Variants in RGL1 observed in about 807,000 individuals in gnomAD.
RGL1 encodes the protein ral guanine nucleotide dissociation stimulator-like 1.
Under a neutral mutation model 95.2 loss-of-function variants are expected in RGL1, and 24 were observed. The ratio of observed to expected loss-of-function variants is 0.25; its 90% CI spans 0.18 to 0.35. The LOEUF (loss-of-function observed/expected upper bound fraction) is 0.35, where lower values mean the gene tolerates loss of function less well. Ranked by LOEUF, RGL1 falls within the 10% of genes least tolerant of loss-of-function variation. The pLI, the probability that RGL1 is intolerant of heterozygous loss-of-function variation, is 1.00. For missense variants in RGL1, 715 were observed against 936.3 expected (o/e 0.76, Z 3.08); for synonymous variants, 329 against 344.9 (o/e 0.95, Z 0.51).
intron 16 of RGL1, 49 bp from the exon 17 acceptor site, chr1:183,922,173 A>G (rs1669341559): frequency 1.3e-6 from 2 of 1,487,226 alleles, no homozygotes; most frequent in South Asian, 2.3e-5. Context: ...GAACTCCCTC[A>G]GGAAACGTGA....
intron 4 of RGL1, among the ~76,000 whole-genome samples, chr1:183,867,999 G>A (rs1038510872): frequency 1.3e-5 from 2 of 152,196 alleles, no homozygotes; most frequent in African/African-American, 4.8e-5. Flanking sequence ...TACCAGTGTA[G>A]GTATTTGAAT....
At position 183,855,074 on chromosome 1, in the gene RGL1, C is replaced by A. The variant is rs563155347; in HGVS notation, c.347+7300C>A. On this transcript the variant is annotated intron_variant, in intron 3 of 17. Transcript: ENST00000360851. ...TGCTCTACCCTCAAAATGGTGCCTG[C>A]AGTAGGTGCTTAGGAACTATTTGTC... Among the ~76,000 whole-genome samples the A allele has an allele frequency of 7.9e-5, 12 of 152,268 alleles. No homozygotes were observed. The South Asian group carries it at 2.5e-3, about 32-fold the overall frequency.
intron 2 of RGL1, among the ~76,000 whole-genome samples, chr1:183,771,842 C>T (rs1659289112): frequency 6.6e-6 from 1 of 152,190 alleles, no homozygotes; most frequent in South Asian, 2.1e-4. Flanking sequence ...AAACCCGAGA[C>T]CCTAGCAAGG....
chr1:183,824,276 T>G (rs1338872141), intron 2 of RGL1, among the ~76,000 whole-genome samples: 1 of 152,214 alleles, frequency 6.6e-6, no homozygotes, highest in African/African-American at 2.4e-5. Flanking sequence ...CTAATTTCTG[T>G]GAAGATTCCG....
chr1:183,838,629 A>C (rs1027733213), intron 2 of RGL1, among the ~76,000 whole-genome samples: 1 of 152,152 alleles, frequency 6.6e-6, no homozygotes, highest in Non-Finnish European at 1.5e-5. Flanking sequence ...CATAGTTCAG[A>C]GGTGTAATTC....
intron 3 of RGL1, among the ~76,000 whole-genome samples, chr1:183,849,491 T>TTTA (rs1664683948): frequency 2.2e-5 from 3 of 137,268 alleles, no homozygotes; most frequent in African/African-American, 5.4e-5. Flanking sequence ...TAGTTTTTTT[T>TTTA]TTTTTTTTTT....
intron 2 of RGL1, among the ~76,000 whole-genome samples, chr1:183,763,000 T>C (rs1414375979): frequency 6.6e-6 from 1 of 152,094 alleles, no homozygotes; most frequent in Non-Finnish European, 1.5e-5. Flanking sequence ...CAAATGCCCA[T>C]CAATGATAGA....
chr1:183,779,207 CCTTCCTTCCTTCCTTCCT>C (rs1368580511), intron 2 of RGL1, among the ~76,000 whole-genome samples: 2 of 148,416 alleles, frequency 1.3e-5, no homozygotes, highest in African/African-American at 5.0e-5. Context: ...TTCCTTCCTT[CCTTCCTTCCTTCCTTCCT>C]TCCCTCCCTC....
chr1:183,854,109 C>T (rs998305796), intron 3 of RGL1, among the ~76,000 whole-genome samples: 5 of 152,116 alleles, frequency 3.3e-5, no homozygotes, highest in African/African-American at 9.7e-5. Flanking sequence ...AATCAGTGTG[C>T]AAATACATTT....
At chr1:183,725,606 G>A (rs1297835111) in intron 1 of RGL1, among the ~76,000 whole-genome samples, 3 of 152,258 alleles carry the variant, frequency 2.0e-5, no homozygotes, top group Admixed American at 2.0e-4. Context: ...CAATGATGGA[G>A]TCAATGAATC....
intron 1 of RGL1, among the ~76,000 whole-genome samples, chr1:183,650,468 A>G (rs183741972): frequency 2.2e-4 from 33 of 152,230 alleles, no homozygotes; most frequent in East Asian, 5.8e-4. Context: ...GCGTGAACCC[A>G]GGAGGCAGAG....
At chr1:183,645,216 A>G (rs925205255) in intron 1 of RGL1, among the ~76,000 whole-genome samples, 1 of 150,646 alleles carries the variant, frequency 6.6e-6, no homozygotes. Flanking sequence ...ATATCCAGTT[A>G]TAAGTCTTAC....
chr1:183,807,655 C>G (rs1661433963), intron 2 of RGL1, among the ~76,000 whole-genome samples: 1 of 152,152 alleles, frequency 6.6e-6, no homozygotes, highest in Non-Finnish European at 1.5e-5. Flanking sequence ...TTGGGCTTCC[C>G]CAGCTGCTTC....
chr1:183,837,296 C>T (rs1663731475), intron 2 of RGL1, among the ~76,000 whole-genome samples: 1 of 152,166 alleles, frequency 6.6e-6, no homozygotes, highest in South Asian at 2.1e-4. Context: ...CACACAGAAG[C>T]TCACTACCCC....
chr1:183,769,974 G>C (rs1195220052), intron 2 of RGL1, among the ~76,000 whole-genome samples: 1 of 152,150 alleles, frequency 6.6e-6, no homozygotes, highest in Non-Finnish European at 1.5e-5. Context: ...AGATTGCAAA[G>C]AATATTGGGG....
At chr1:183,921,423 C>A (rs1669303102) in intron 16 of RGL1, among the ~76,000 whole-genome samples, 1 of 152,238 alleles carries the variant, frequency 6.6e-6, no homozygotes, top group African/African-American at 2.4e-5. Context: ...CCTAGAGGTT[C>A]ATTTTCTAAT....
chr1:183,708,242 C>T (rs554246175), intron 1 of RGL1, among the ~76,000 whole-genome samples: 125 of 152,104 alleles, frequency 8.2e-4, no homozygotes, highest in African/African-American at 2.3e-3. Flanking sequence ...TTTCCCATAA[C>T]GGAGGGTAGG....
At chr1:183,801,149 G>GTGTGTGTT (rs1287584016), upstream of RGL1, among the ~76,000 whole-genome samples, 3 of 150,852 alleles carry the variant, frequency 2.0e-5, no homozygotes, top group Non-Finnish European at 4.4e-5. Flanking sequence ...TATTTTGTGT[G>GTGTGTGTT]TGTGTGTGTG....
chr1:183,780,625 A>T (rs79874024), intron 2 of RGL1, among the ~76,000 whole-genome samples: 2,484 of 152,240 alleles, frequency 0.016, 67 homozygotes, highest in African/African-American at 0.057. Flanking sequence ...ATTTTATAGG[A>T]TTTGTATACA....
Sources: allele counts gnomAD v4.1 joint callset (sites outside exome capture counted in the v4.1 genomes callset), GRCh38; gene constraint gnomAD v4.1.1; transcripts MANE v1.5; gene names NCBI Gene and HGNC (gene_info 2026-07-23, HGNC 2026-07-21).